The following FYB2 variants were observed in gnomAD, a reference collection of about 807,000 sequenced individuals.
FYB2 encodes the protein FYN-binding protein 2.
FYB2 carries 103 observed loss-of-function variants against 94.1 expected under a neutral mutation model. The ratio of observed to expected loss-of-function variants is 1.09; its 90% CI spans 0.93 to 1.29. The LOEUF is 1.29. Ranked by LOEUF, FYB2 falls within the 50% of genes most tolerant of loss-of-function variation. The pLI, the probability that FYB2 is intolerant of heterozygous loss-of-function variation, is 0.00. For missense variants in FYB2, 896 were observed against 841.5 expected, an observed-to-expected ratio of 1.06 and a Z score of -0.80; for synonymous variants, 293 against 287.9, an observed-to-expected ratio of 1.02 and a Z score of -0.18.
At chr1:56,793,381 C>T (rs1028886370) in intron 1 of FYB2, among the ~76,000 whole-genome samples, 11 of 152,068 alleles carry the variant, frequency 7.2e-5, no homozygotes, top group Non-Finnish European at 1.2e-4. Context: ...TCTTGCACTT[C>T]GCTGCCTACT....
intron 19 of FYB2, 34 bp from the exon 20 acceptor site, chr1:56,719,726 A>G (rs1644449104): frequency 6.6e-7 from 1 of 1,516,496 alleles, no homozygotes; most frequent in Non-Finnish European, 9.0e-7. Context: ...AACATTTTAA[A>G]ATATAGGACA....
At chr1:56,787,618 C>T (rs1164367737) in intron 3 of FYB2, among the ~76,000 whole-genome samples, 1 of 152,200 alleles carries the variant, frequency 6.6e-6, no homozygotes, top group Non-Finnish European at 1.5e-5. Flanking sequence ...TTCCGGGCAT[C>T]ATGTCTCATT....
intron 14 of FYB2, 124 bp downstream of exon 14, chr1:56,738,501 G>T: frequency 1.0e-6 from 1 of 1,003,232 alleles, no homozygotes; most frequent in Non-Finnish European, 1.4e-6. Flanking sequence ...CATCTTCTTT[G>T]ATTTTGGTAG....
intron 1 of FYB2, among the ~76,000 whole-genome samples, chr1:56,802,205 A>G (rs1443632048): frequency 1.3e-5 from 2 of 152,158 alleles, no homozygotes; most frequent in African/African-American, 4.8e-5. Flanking sequence ...TTTGGTGCTT[A>G]TCATATTCTA....
At chr1:56,817,828 T>C (rs1240658332) in intron 1 of FYB2, among the ~76,000 whole-genome samples, 1 of 152,204 alleles carries the variant, frequency 6.6e-6, no homozygotes, top group Non-Finnish European at 1.5e-5. Flanking sequence ...TTTGTCTAAT[T>C]TGCCTAACAT....
At chr1:56,772,346 G>A (rs857163) in intron 4 of FYB2, among the ~76,000 whole-genome samples, 13,706 of 152,128 alleles carry the variant, frequency 0.09, 657 homozygotes, top group Middle Eastern at 0.2. Flanking sequence ...AATTGTCTTT[G>A]CAGAGAATCA....
In FYB2 at chr1:56,751,310, A is replaced by G. The variant is rs1569988713; in HGVS notation, c.1228-107T>C. 3.1e-5 allele frequency: 36 copies of G among 1,175,144 alleles called. 1 individual carries two copies. The South Asian group carries it at 5.3e-4, about 17-fold the overall frequency. The allele number at this position is 1,175,144 out of a possible 1,614,324, so 72.8% of individuals were successfully genotyped here. On this transcript the variant is annotated intron_variant, in intron 8 of 19. Transcript: ENST00000343433. ...CATTCCTCATGGATAACAATTATTT[A>G]TCATTTATTTAACATTGAATAATAT...
chr1:56,752,844 A>G (rs933570146), intron 8 of FYB2, among the ~76,000 whole-genome samples: 1 of 152,120 alleles, frequency 6.6e-6, no homozygotes, highest in South Asian at 2.1e-4. Context: ...TTTCATGGCT[A>G]ATATCCTTAG....
chr1:56,798,402 C>G (rs996004401), intron 1 of FYB2, among the ~76,000 whole-genome samples: 4 of 152,132 alleles, frequency 2.6e-5, no homozygotes, highest in Non-Finnish European at 4.4e-5. Flanking sequence ...GTGGTGTCCT[C>G]TAAACAGAAG....
intron 4 of FYB2, among the ~76,000 whole-genome samples, chr1:56,784,160 T>A (rs1646077433): frequency 1.3e-5 from 2 of 152,220 alleles, no homozygotes; most frequent in Admixed American, 1.3e-4. Context: ...TTATACATTA[T>A]GGTTGAAAAT....
At chr1:56,806,181 C>T (rs1394557707) in intron 1 of FYB2, among the ~76,000 whole-genome samples, 1 of 152,140 alleles carries the variant, frequency 6.6e-6, no homozygotes, top group Admixed American at 6.5e-5. Flanking sequence ...CAGACGATGA[C>T]AACACCTTGA....
In FYB2 at chr1:56,760,502, A is replaced by T. The variant is rs113349169; in HGVS notation, c.1064-1752T>A. 6.3e-3 allele frequency among the ~76,000 whole-genome samples: 955 copies of T among 152,302 alleles called. 10 individuals carry two copies. The highest frequency in any genetic ancestry group is 0.022 in the African/African-American group (926 of 41,560). Reference sequence around the variant, plus strand: ...AATACTTTAAATTAGGTAATTGTACACTTATTAATACTTTAAAAATACCTG... The same window carrying T: ...AATACTTTAAATTAGGTAATTGTACTCTTATTAATACTTTAAAAATACCTG... On this transcript the variant is annotated intron_variant, in intron 5 of 19. Transcript: ENST00000343433.
intron 15 of FYB2, among the ~76,000 whole-genome samples, chr1:56,736,727 T>A (rs1644838635): frequency 6.6e-6 from 1 of 152,164 alleles, no homozygotes; most frequent in South Asian, 2.1e-4. Flanking sequence ...TCTTTTTTGA[T>A]AAATTATAGT....
At chr1:56,727,635 A>G (rs1644611522) in intron 15 of FYB2, among the ~76,000 whole-genome samples, 1 of 152,128 alleles carries the variant, frequency 6.6e-6, no homozygotes. Context: ...GTTTGTTAAA[A>G]CTATTTTTAT....
At chr1:56,767,589 G>A (rs1468160195) in intron 5 of FYB2, among the ~76,000 whole-genome samples, 2 of 152,106 alleles carry the variant, frequency 1.3e-5, no homozygotes, top group Non-Finnish European at 2.9e-5. Context: ...ATTGGTAAAG[G>A]GGAGAAAAGA....
At chr1:56,750,382 A>G (rs1645167665) in intron 9 of FYB2, among the ~76,000 whole-genome samples, 1 of 151,984 alleles carries the variant, frequency 6.6e-6, no homozygotes, top group Non-Finnish European at 1.5e-5. Context: ...TTCTGTTGCT[A>G]TTGAAGTGTC....
chr1:56,775,445 G>A (rs1489276136), intron 4 of FYB2, among the ~76,000 whole-genome samples: 1 of 152,036 alleles, frequency 6.6e-6, no homozygotes, highest in African/African-American at 2.4e-5. Context: ...CATTCATAAG[G>A]CAGGCATGGG....
At position 56,791,076 on chromosome 1, in the gene FYB2, A is replaced by G. The variant is rs561202231; in HGVS notation, c.757+980T>C. On this transcript the variant is annotated intron_variant, in intron 2 of 19. Transcript: ENST00000343433. ...GCATGCAGGGCCATGAAGACCACAA[A>G]GCAAGTAGTTTAGATTCTATTCCAA... 1.6e-4 allele frequency among the ~76,000 whole-genome samples: 25 copies of G among 152,244 alleles called. No individual in the cohort carries two copies. The South Asian group carries it at 2.7e-3, about 16-fold the overall frequency.
intron 5 of FYB2, among the ~76,000 whole-genome samples, chr1:56,765,241 T>C (rs1347199359): frequency 1.3e-5 from 2 of 152,172 alleles, no homozygotes; most frequent in Non-Finnish European, 2.9e-5. Flanking sequence ...GTGGCCTTCT[T>C]ACTGCTGGGT....
Sources: allele counts gnomAD v4.1 joint callset (sites outside exome capture counted in the v4.1 genomes callset), GRCh38; gene constraint gnomAD v4.1.1; transcripts MANE v1.5; gene names NCBI Gene and HGNC (gene_info 2026-07-23, HGNC 2026-07-21).